The following PLCH2 variants were observed in gnomAD, a reference collection of about 807,000 sequenced individuals.
The protein encoded by PLCH2 is phospholipase C eta 2.
In PLCH2, 98 loss-of-function variants were observed where a neutral mutation model predicts 134.7. The ratio of observed to expected loss-of-function variants is 0.73; its 90% CI spans 0.62 to 0.86. PLCH2 has a LOEUF of 0.86. PLCH2 is among the 40% of genes least tolerant of loss of function. PLCH2 has a pLI of 0.00. For missense variants in PLCH2, 1,994 were observed against 1,986.6 expected (o/e 1.00, Z -0.07); for synonymous variants, 974 against 827.5 (o/e 1.18, Z -3.04).
rs759747377 is a variant in PLCH2 at position 2,504,915 on chromosome 1, C to T, written c.3953C>T (p.Pro1318Leu). ...CAGCAGGCAGGAGACATCACGTCAC[C>T]CACCAGCCTGGGCCCGGCTGGGGAG... ...VFQQAGDITS[P>L]TSLGPAGEGV... Residue 1318 changes from proline to leucine, a missense_variant, in exon 22 of 22, where the codon CCC becomes CTC. Transcript: ENST00000378486. 6.3e-7 allele frequency: 1 copy of T among 1,577,844 alleles called. No homozygotes were observed. The highest frequency in any genetic ancestry group is 8.6e-7 in the Non-Finnish European group (1 of 1,161,176).
upstream of PLCH2, among the ~76,000 whole-genome samples, chr1:2,475,843 C>G (rs549166723): frequency 6.6e-6 from 1 of 152,172 alleles, no homozygotes; most frequent in African/African-American, 2.4e-5. Flanking sequence ...CTCGGCTCCC[C>G]TCTCCAGCCA....
chr1:2,486,306 C>G (rs1243554192), intron 5 of PLCH2, among the ~76,000 whole-genome samples: 1 of 152,164 alleles, frequency 6.6e-6, no homozygotes, highest in Non-Finnish European at 1.5e-5. Context: ...CCCAGGGGCC[C>G]ACAACTGGCT....
At chr1:2,488,303 A>G (rs1642387458) in intron 8 of PLCH2, among the ~76,000 whole-genome samples, 1 of 152,158 alleles carries the variant, frequency 6.6e-6, no homozygotes, top group African/African-American at 2.4e-5. Context: ...GTAGGTGGGA[A>G]GGGCATTGCA....
In PLCH2 at chr1:2,439,935, G is replaced by A. The variant is rs1341348864; in HGVS notation, c.115+9306G>A. Among the ~76,000 whole-genome samples the A allele has an allele frequency of 2.0e-5, 3 of 152,132 alleles. No homozygotes were observed. The highest frequency in any genetic ancestry group is 7.2e-5 in the African/African-American group (3 of 41,426). On this transcript the variant is annotated intron_variant, in intron 2 of 3. Coordinates refer to the PLCH2 transcript ENST00000609981. The surrounding 1 kb of genome is among the most constrained non-coding windows in gnomAD (Gnocchi z 4.7). ...CAAAATCAGGGCAAGGTCATGTCCG[G>A]GACACTGCGGGGGACAAGGCAACCA...
At chr1:2,487,822 G>C in intron 8 of PLCH2, 104 bp downstream of exon 8, 1 of 1,094,728 alleles carries the variant, frequency 9.1e-7, no homozygotes. Flanking sequence ...TTTGGGAGCA[G>C]TGACTGTGGT....
rs749658845 is a variant in PLCH2 at position 2,503,957 on chromosome 1, C to G, written c.2995C>G (p.Pro999Ala). ...RPLSTQRPLP[P>A]LCSLETIAEE... ...CCTCTCCACGCAGCGGCCACTCCCC[C>G]CACTGTGCAGCCTGGAAACCATCGC... The change falls in exon 22 of 22, where the codon CCA (proline) becomes GCA (alanine). Residue 999 changes from proline to alanine, a missense_variant. Pro to Ala is a conservative substitution (Grantham distance 27, BLOSUM62 -1). Coordinates refer to ENST00000378486, the MANE Select transcript of PLCH2 (RefSeq NM_014638.4). 38 of 1,458,598 alleles carry G rather than the reference C, an allele frequency of 2.6e-5. No homozygotes were observed. Among genetic ancestry groups the G allele is most frequent in the African/African-American group, 1.5e-4 (11 of 71,100 alleles). 90.4% of individuals were successfully genotyped at this position (1,458,598 alleles called of 1,614,324 possible).
rs1369183784 is a variant in PLCH2 at position 2,444,926 on chromosome 1, T to C, written c.115+14297T>C. Reference sequence around the variant, plus strand: ...CTGGGTGTCTGATCCTAGAGACTCCTTCAGCGAGGTGCAGCCTCAGAGGGG... The same window carrying C: ...CTGGGTGTCTGATCCTAGAGACTCCCTCAGCGAGGTGCAGCCTCAGAGGGG... On this transcript the variant is annotated intron_variant, in intron 2 of 3. Coordinates refer to the PLCH2 transcript ENST00000609981. The surrounding 1 kb of genome is among the most constrained non-coding windows in gnomAD (Gnocchi z 4.6). 3.3e-5 allele frequency among the ~76,000 whole-genome samples: 5 copies of C among 152,050 alleles called. No individual in the cohort carries two copies. Among genetic ancestry groups the C allele is most frequent in the African/African-American group, 1.2e-4 (5 of 41,394 alleles).
chr1:2,457,530 T>C (rs1640552915), intron 2 of PLCH2, among the ~76,000 whole-genome samples: 1 of 152,170 alleles, frequency 6.6e-6, no homozygotes, highest in African/African-American at 2.4e-5. Context: ...TGAGATCTGC[T>C]GAGATGGGGC....
chr1:2,452,292 C>T (rs1640279413), intron 2 of PLCH2, among the ~76,000 whole-genome samples: 1 of 152,178 alleles, frequency 6.6e-6, no homozygotes, highest in Non-Finnish European at 1.5e-5. Context: ...CCCCTGCCGC[C>T]CCCCATCCCC....
At chr1:2,503,558 C>T (rs1215092400) in intron 21 of PLCH2, 6 of 677,626 alleles carry the variant, frequency 8.9e-6, no homozygotes, top group South Asian at 1.6e-5. Context: ...ACCACCCTGC[C>T]CCTCCAGACC....
chr1:2,423,264 C>T (rs531579957), upstream of PLCH2, among the ~76,000 whole-genome samples: 95 of 152,190 alleles, frequency 6.2e-4, 1 homozygote, highest in African/African-American at 2.0e-3. Context: ...CACAGTTCAC[C>T]GTAACCTCGA....
intron 2 of PLCH2, among the ~76,000 whole-genome samples, chr1:2,443,859 G>GCCCGAT (rs889219292): frequency 2.0e-5 from 3 of 149,924 alleles, no homozygotes; most frequent in African/African-American, 4.9e-5. Context: ...CCGAGCCCGA[G>GCCCGAT]CCCGGCCGCT....
intron 2 of PLCH2, among the ~76,000 whole-genome samples, chr1:2,437,106 G>C (rs1448256563): frequency 6.6e-6 from 1 of 152,244 alleles, no homozygotes; most frequent in Non-Finnish European, 1.5e-5. Context: ...CCATGGGTCA[G>C]GTGCTCAGTG....
chr1:2,452,045 C>T lies in PLCH2; in HGVS notation c.115+21416C>T, dbSNP rs190325272. 5.5e-3 allele frequency among the ~76,000 whole-genome samples: 843 copies of T among 152,294 alleles called. 9 individuals are homozygous for T. Among genetic ancestry groups the T allele is most frequent in the African/African-American group, 0.019 (795 of 41,552 alleles). On this transcript the variant is annotated intron_variant, in intron 2 of 3. Transcript: ENST00000609981. Reference sequence around the variant, plus strand: ...TGAGCAGAGACTTCCGTCTGGGCCCCGAGCTTTGGCAGTGCACGGGAAGGC... The same window carrying T: ...TGAGCAGAGACTTCCGTCTGGGCCCTGAGCTTTGGCAGTGCACGGGAAGGC...
upstream of PLCH2, among the ~76,000 whole-genome samples, chr1:2,474,809 A>G (rs948946342): frequency 1.8e-4 from 28 of 151,734 alleles, no homozygotes; most frequent in Non-Finnish European, 2.8e-4. Context: ...GCAGCCCAGT[A>G]TGAGGTGGGC....
At chr1:2,427,142 A>T (rs116072351) in intron 1 of PLCH2, among the ~76,000 whole-genome samples, 1,798 of 152,238 alleles carry the variant, frequency 0.012, 40 homozygotes, top group African/African-American at 0.041. Flanking sequence ...GTAGCAGGGA[A>T]GTAGCAGGAG....
Position 2,497,577 on chromosome 1 carries a change from G to A in PLCH2, c.2192G>A (p.Gly731Asp). The change falls in exon 16 of 22, where the codon GGC becomes GAC. Residue 731 changes from glycine to aspartate, a missense_variant. By Grantham distance (94) the Gly-to-Asp change is moderately conservative. Around this residue, in one of 2 missense-constraint regions of PLCH2, gnomAD observed 1,094 missense variants for 1,234.3 expected, o/e 0.89. Transcript: ENST00000378486. The stretch of plus-strand genomic sequence containing the variant: ...AAGTTCAGCGCCAACGGTGGCTGCG[G>A]CTACGTACTCAAGCCTGGGTGCATG... ...RAKFSANGGCGYVLKPGCMCQ... is the reference protein window; with the variant it reads ...RAKFSANGGCDYVLKPGCMCQ... 6.4e-7 allele frequency: 1 copy of A among 1,562,910 alleles called. No individual in the cohort carries two copies. The highest frequency in any genetic ancestry group is 1.9e-5 in the Admixed American group (1 of 52,928).
At chr1:2,438,437 A>C (rs895958668) in intron 2 of PLCH2, among the ~76,000 whole-genome samples, 15 of 152,116 alleles carry the variant, frequency 9.9e-5, no homozygotes, top group Non-Finnish European at 1.5e-4. Flanking sequence ...GGGTCTGTCC[A>C]GGAGGCACTC....
chr1:2,489,642 C>T (rs1642461410), intron 9 of PLCH2, 118 bp from the exon 10 acceptor site: 1 of 858,040 alleles, frequency 1.2e-6, no homozygotes, highest in Non-Finnish European at 1.9e-6. Flanking sequence ...GGCTGAGATG[C>T]CAAAACTGAG....
Sources: gnomAD v4.1 joint callset for allele counts (sites outside exome capture counted in the v4.1 genomes callset) on GRCh38, gnomAD v4.1.1 for gene constraint, gnomAD v4.1.1 regional missense constraint, Gnocchi (gnomAD v3.1) non-coding constraint, MANE v1.5 for transcripts, NCBI Gene and HGNC (gene_info 2026-07-23, HGNC 2026-07-21) for gene names.